Variants in TUBB observed in about 807,000 individuals in gnomAD.
TUBB encodes the protein tubulin beta chain.
Under a neutral mutation model 35.1 loss-of-function variants are expected in TUBB, and 2 were observed. The observed-to-expected ratio is 0.06, with a 90% CI of 0.02 to 0.18. The LOEUF (loss-of-function observed/expected upper bound fraction) is 0.18, where lower values mean the gene tolerates loss of function less well. Ranked by LOEUF, TUBB falls within the 10% of genes least tolerant of loss-of-function variation. TUBB has a pLI of 1.00. For missense variants in TUBB, 50 were observed against 599.4 expected (o/e 0.08, Z 9.57); for synonymous variants, 205 against 223.8 (o/e 0.92, Z 0.75).
In TUBB at chr6:30,724,554, G is replaced by C. The variant is rs2394399; in HGVS notation, c.*157G>C. 6.3e-6 allele frequency: 4 copies of C among 633,576 alleles called. No individual in the cohort carries two copies. The allele number at this position is 633,576 out of a possible 1,614,324, so 39.2% of individuals were successfully genotyped here. ...GAACAGTGCCTGGCACATAGTAGGCGCTCAATAAATACTTGTTTGTTGAAT... is the reference window on the plus strand; with the variant it reads ...GAACAGTGCCTGGCACATAGTAGGCCCTCAATAAATACTTGTTTGTTGAAT... On this transcript the variant is annotated 3_prime_UTR_variant, in exon 4 of 4. Coordinates refer to ENST00000327892, the MANE Select transcript of TUBB (RefSeq NM_178014.4). The surrounding 1 kb of genome is among the most constrained non-coding windows in gnomAD (Gnocchi z 4.4).
At chr6:30,721,302 C>A (rs1371978277) in intron 1 of TUBB, among the ~76,000 whole-genome samples, 1 of 148,986 alleles carries the variant, frequency 6.7e-6, no homozygotes, top group Non-Finnish European at 1.5e-5. Flanking sequence ...AGAAATGTAG[C>A]GAAGGAATAA....
At chr6:30,721,170 G>T (rs913161997) in intron 1 of TUBB, among the ~76,000 whole-genome samples, 4 of 152,222 alleles carry the variant, frequency 2.6e-5, no homozygotes, top group African/African-American at 9.7e-5. Flanking sequence ...TGCTTTCATG[G>T]CCCCTAAGAG....
chr6:30,723,758 C>A lies in TUBB; in HGVS notation c.696C>A (p.Thr232=). The A allele has an allele frequency of 6.2e-7, 1 of 1,614,230 alleles. No homozygotes were observed. The highest frequency in any genetic ancestry group is 8.5e-7 in the Non-Finnish European group (1 of 1,180,058). The change falls in exon 4 of 4, where the codon ACC becomes ACA. Residue 232 remains threonine (T), a synonymous_variant. Transcript: ENST00000327892. ...ATCTGAACCACCTTGTCTCAGCCAC[C>A]ATGAGTGGTGTCACCACCTGCCTCC... ...YGDLNHLVSA[T]MSGVTTCLRF...
chr6:30,721,031 C>G (rs1265706793), intron 1 of TUBB, among the ~76,000 whole-genome samples: 1 of 152,218 alleles, frequency 6.6e-6, no homozygotes, highest in East Asian at 1.9e-4. Context: ...GGGCGATGCG[C>G]CAGGGTGGGC....
chr6:30,722,815 C>T, intron 2 of TUBB, 103 bp from the exon 3 acceptor site: 1 of 1,183,764 alleles, frequency 8.4e-7, no homozygotes, highest in Non-Finnish European at 1.2e-6. Flanking sequence ...GGTGGCGGGA[C>T]CTGGAATGAC....
rs1426629673 is a variant in TUBB at position 30,725,361 on chromosome 6, T to C, written c.*964T>C. The C allele has an allele frequency of 1.3e-5, 2 of 152,666 alleles. No individual in the cohort carries two copies. The highest frequency in any genetic ancestry group is 2.9e-5 in the Non-Finnish European group (2 of 68,396). The allele number at this position is 152,666 out of a possible 1,614,324, so 9.5% of individuals were successfully genotyped here. On this transcript the variant is annotated 3_prime_UTR_variant, in exon 4 of 4. Transcript: ENST00000327892. ...TCTATTTTATGTTGAACTTGCTGCT[T>C]TTTTTCATATTGAAAAGATGACATC...
rs1327242483 is a variant in TUBB, at chr6:30,720,386, C to T, written c.-121C>T. 26 of 950,134 alleles carry T rather than the reference C, an allele frequency of 2.7e-5. No individual in the cohort carries two copies. Among genetic ancestry groups the T allele is most frequent in the South Asian group, 2.3e-4 (17 of 74,334 alleles). 58.9% of individuals were successfully genotyped at this position (950,134 alleles called of 1,614,324 possible). A position where few individuals can be genotyped will look rare whatever the true frequency, so the allele number is the denominator to read the frequency against. On this transcript the variant is annotated 5_prime_UTR_variant, in exon 1 of 4. Transcript: ENST00000327892. ...CCTTCCTGCCGTCGCGTTTGCACCTCGCTGCTCCAGCCTCTGGGGCGCATT... is the reference window on the plus strand; with the variant it reads ...CCTTCCTGCCGTCGCGTTTGCACCTTGCTGCTCCAGCCTCTGGGGCGCATT...
rs1776534464 is a variant in TUBB, at chr6:30,724,837, T to C, written c.*440T>C. The C allele has an allele frequency of 5.9e-6, 1 of 168,278 alleles. No homozygotes were observed. Among genetic ancestry groups the C allele is most frequent in the Non-Finnish European group, 1.3e-5 (1 of 79,202 alleles). The allele number at this position is 168,278 out of a possible 1,614,324, so 10.4% of individuals were successfully genotyped here. A position where few individuals can be genotyped will look rare whatever the true frequency, so the allele number is the denominator to read the frequency against. On this transcript the variant is annotated 3_prime_UTR_variant, in exon 4 of 4. Transcript: ENST00000327892. The surrounding 1 kb of genome is among the most constrained non-coding windows in gnomAD (Gnocchi z 4.4). ...CACTATATAAGGAAGGGGATGGGAT[T>C]TTCCATTCTAAAAGTTTTGGAGAGG...
intron 1 of TUBB, chr6:30,721,689 G>A (rs1185531087): frequency 1.1e-5 from 11 of 985,466 alleles, no homozygotes; most frequent in Non-Finnish European, 1.3e-5. Context: ...CAGCTTGGGG[G>A]AAGGAGAGCG....
Position 30,724,379 on chromosome 6 carries a change from G to A in TUBB, c.1317G>A (p.Glu439=). 1 of 1,611,594 alleles carries A rather than the reference G, an allele frequency of 6.2e-7. No homozygotes were observed. The highest frequency in any genetic ancestry group is 8.5e-7 in the Non-Finnish European group (1 of 1,179,350). The change falls in exon 4 of 4, where the codon GAG becomes GAA. Residue 439 remains glutamate, a synonymous_variant. Transcript: ENST00000327892. The surrounding 1 kb of genome is among the most constrained non-coding windows in gnomAD (Gnocchi z 4.4). ...AAGAGGAGGAGGATTTCGGTGAGGA[G>A]GCCGAAGAGGAGGCCTAAGGCAGAG... The part of the protein sequence containing the change: ...TAEEEEDFGE[E]AEEEA
At chr6:30,722,202 T>G in intron 1 of TUBB, 1 of 284,836 alleles carries the variant, frequency 3.5e-6, no homozygotes, top group South Asian at 3.5e-5. Context: ...TCCCAGCACT[T>G]TGGGAGGCCA....
rs1197866327 is a variant in TUBB, at chr6:30,724,609, C to G, written c.*212C>G. 3 of 546,576 alleles carry G rather than the reference C, an allele frequency of 5.5e-6. No homozygotes were observed. The highest frequency in any genetic ancestry group is 1.9e-5 in the African/African-American group (1 of 53,030). The allele number at this position is 546,576 out of a possible 1,614,324, so 33.9% of individuals were successfully genotyped here. On this transcript the variant is annotated 3_prime_UTR_variant, in exon 4 of 4. Coordinates refer to ENST00000327892, the MANE Select transcript of TUBB (RefSeq NM_178014.4). This position sits in a 1 kb window ranked among gnomAD's most constrained non-coding sequence, Gnocchi z 4.4. ...CCTCTCTCTTTCCACTCTGGGAAAC[C>G]TAGGTTTCTGCCATTCTGGGTGACC...
rs921641401 is a variant in TUBB, at chr6:30,720,452, T to A, written c.-55T>A. ...GCGACCTGCGGAGAAAAAAAATTAC[T>A]TATTTTCTTGCCCCATACATACCTT... On this transcript the variant is annotated 5_prime_UTR_variant, in exon 1 of 4. Coordinates refer to ENST00000327892, the MANE Select transcript of TUBB (RefSeq NM_178014.4). The A allele has an allele frequency of 2.2e-5, 35 of 1,578,958 alleles. No individual in the cohort carries two copies. In the African/African-American group the frequency reaches 4.0e-4, roughly 18 times the overall value.
chr6:30,723,062 A>G, intron 3 of TUBB, 34 bp downstream of exon 3: 1 of 1,533,478 alleles, frequency 6.5e-7, no homozygotes, highest in Non-Finnish European at 9.0e-7. Context: ...CAGATGATAT[A>G]CCATCGTGTT....
At position 30,720,384 on chromosome 6, in the gene TUBB, C is replaced by G; in HGVS notation, c.-123C>G. ...AACCTTCCTGCCGTCGCGTTTGCAC[C>G]TCGCTGCTCCAGCCTCTGGGGCGCA... On this transcript the variant is annotated 5_prime_UTR_variant, in exon 1 of 4. Transcript: ENST00000327892. The G allele has an allele frequency of 2.1e-6, 2 of 935,304 alleles. No homozygotes were observed. Among genetic ancestry groups the G allele is most frequent in the East Asian group, 2.6e-5 (1 of 38,694 alleles). 57.9% of individuals were successfully genotyped at this position (935,304 alleles called of 1,614,324 possible).
rs1353532618 is a variant in TUBB at position 30,723,944 on chromosome 6, C to T, written c.882C>T (p.Phe294=). 1.2e-5 allele frequency: 19 copies of T among 1,614,208 alleles called. No individual in the cohort carries two copies. The highest frequency in any genetic ancestry group is 3.3e-5 in the Admixed American group (2 of 60,026). The change falls in exon 4 of 4, where the codon TTC becomes TTT. Residue 294 remains phenylalanine, a synonymous_variant. Coordinates refer to ENST00000327892, the MANE Select transcript of TUBB (RefSeq NM_178014.4). ...TGCCGGAACTCACCCAGCAGGTCTT[C>T]GATGCCAAGAACATGATGGCTGCCT... is the stretch of plus-strand genomic sequence containing the variant. The part of the protein sequence containing the change: ...LTVPELTQQV[F]DAKNMMAACD...
At chr6:30,721,553 T>A in intron 1 of TUBB, 1 of 984,936 alleles carries the variant, frequency 1.0e-6, no homozygotes, top group Non-Finnish European at 1.2e-6. Flanking sequence ...GCGCGAAGTC[T>A]TTTGTCGGCG....
intron 1 of TUBB, 142 bp from the exon 2 acceptor site, chr6:30,722,395 A>G (rs777863032): frequency 5.5e-4 from 345 of 631,162 alleles, no homozygotes; most frequent in Non-Finnish European, 9.1e-4. Flanking sequence ...GTGAGCCGAG[A>G]TAGCGCCACT....
intron 3 of TUBB, 116 bp downstream of exon 3, chr6:30,723,144 T>C (rs1776409423): frequency 9.8e-7 from 1 of 1,021,380 alleles, no homozygotes; most frequent in African/African-American, 1.6e-5. Flanking sequence ...AATACAGAAA[T>C]GTGTTCTGAA....
Sources: gnomAD v4.1 joint callset for allele counts (sites outside exome capture counted in the v4.1 genomes callset) on GRCh38, gnomAD v4.1.1 for gene constraint, Gnocchi (gnomAD v3.1) non-coding constraint, MANE v1.5 for transcripts, NCBI Gene and HGNC (gene_info 2026-07-23, HGNC 2026-07-21) for gene names.